Variants in GABPB2 observed in about 807,000 individuals in gnomAD.
The protein encoded by GABPB2 is GA binding protein transcription factor subunit beta 2.
In GABPB2, 23 loss-of-function variants were observed where a neutral mutation model predicts 39.1. The ratio of observed to expected loss-of-function variants is 0.59; its 90% CI spans 0.42 to 0.83. The LOEUF is 0.83. Ranked by LOEUF, GABPB2 falls within the 40% of genes least tolerant of loss-of-function variation. GABPB2 has a pLI of 0.00. For missense variants in GABPB2, 467 were observed against 541.1 expected (o/e 0.86, Z 1.36); for synonymous variants, 184 against 199.3 (o/e 0.92, Z 0.65).
chr1:151,081,880 G>T (rs981033163), intron 1 of GABPB2, among the ~76,000 whole-genome samples: 15 of 151,740 alleles, frequency 9.9e-5, no homozygotes, highest in Admixed American at 3.3e-4. Context: ...TAGGTGATCT[G>T]CCCGCCTCAG....
Position 151,110,067 on chromosome 1 carries a change from G to A in GABPB2, c.922+2845G>A, listed in dbSNP as rs1214352329. On this transcript the variant is annotated intron_variant, in intron 7 of 8. Coordinates refer to ENST00000368918, the MANE Select transcript of GABPB2 (RefSeq NM_144618.3). The stretch of plus-strand genomic sequence containing the variant: ...TGCAGAGACAGGGTTTCGCCATGTT[G>A]GCCAGGCTGGTCACTAGCTCCTGAA... 4.2e-5 allele frequency among the ~76,000 whole-genome samples: 5 copies of A among 119,020 alleles called. No individual in the cohort carries two copies. In the Admixed American group the frequency reaches 5.9e-4, roughly 14 times the overall value. The allele number at this position is 119,020 out of a possible 152,430, so 78.1% of individuals were successfully genotyped here.
rs1681235038 is a variant in GABPB2, at chr1:151,122,951, C to T, written c.*4695C>T. The T allele has an allele frequency of 6.6e-6, 1 of 152,076 alleles. No individual in the cohort carries two copies. Among genetic ancestry groups the T allele is most frequent in the South Asian group, 2.1e-4 (1 of 4,828 alleles). The allele number at this position is 152,076 out of a possible 1,614,324, so 9.4% of individuals were successfully genotyped here. ...CCAGATAAGGGAAATAGGATTTGAT[C>T]TCCAATTGTATTGCCATGGAGAGAA... On this transcript the variant is annotated 3_prime_UTR_variant, in exon 9 of 9. Transcript: ENST00000368918.
At chr1:151,091,022 A>G (rs1318076723) in intron 3 of GABPB2, among the ~76,000 whole-genome samples, 1 of 151,212 alleles carries the variant, frequency 6.6e-6, no homozygotes, top group Non-Finnish European at 1.5e-5. Flanking sequence ...CAAAACAAAA[A>G]AACAAAAAAA....
chr1:151,096,961 G>A (rs1193378335), intron 4 of GABPB2, among the ~76,000 whole-genome samples: 3 of 151,986 alleles, frequency 2.0e-5, no homozygotes. Flanking sequence ...GCCCAGGCTG[G>A]AGTATAATGA....
rs1196787559 is a variant in GABPB2 at position 151,090,566 on chromosome 1, T to G, written c.269T>G (p.Leu90Arg). The G allele has an allele frequency of 6.2e-7, 1 of 1,613,550 alleles. No homozygotes were observed. Among genetic ancestry groups the G allele is most frequent in the East Asian group, 2.2e-5 (1 of 44,882 alleles). The part of the protein sequence containing the change: ...ADGHAHIVEL[L>R]VRNGADVNAK... ...GGACATGCGCACATCGTGGAACTGCTTGTTCGGGTAAAGCAAGAATAGGGG... is the reference window on the plus strand; with the variant it reads ...GGACATGCGCACATCGTGGAACTGCGTGTTCGGGTAAAGCAAGAATAGGGG... The change falls in exon 3 of 9, where the codon CTT becomes CGT. Residue 90 changes from leucine to arginine, a missense_variant. Coordinates refer to ENST00000368918, the MANE Select transcript of GABPB2 (RefSeq NM_144618.3).
intron 7 of GABPB2, among the ~76,000 whole-genome samples, chr1:151,107,916 C>T (rs1458582679): frequency 6.6e-6 from 1 of 151,086 alleles, no homozygotes; most frequent in Non-Finnish European, 1.5e-5. Flanking sequence ...GCCTGGATGA[C>T]AGAGTGAGAC....
intron 1 of GABPB2, among the ~76,000 whole-genome samples, chr1:151,076,560 G>A (rs1296085730): frequency 6.6e-6 from 1 of 151,826 alleles, no homozygotes; most frequent in African/African-American, 2.4e-5. Flanking sequence ...CTCCGGAGTA[G>A]CTGGGATTAC....
In GABPB2 at chr1:151,091,477, A is replaced by C. The variant is rs1044517219; in HGVS notation, c.276+904A>C. 6.1e-5 allele frequency among the ~76,000 whole-genome samples: 9 copies of C among 147,914 alleles called. 1 individual carries two copies. Among genetic ancestry groups the C allele is most frequent in the African/African-American group, 1.5e-4 (6 of 40,318 alleles). On this transcript the variant is annotated intron_variant, in intron 3 of 8. Transcript: ENST00000368918. Reference sequence around the variant, plus strand: ...CACTCCTGTGTCTCAAAAAAAAAAAAAAAAAAAAAAAAAAAAAGATGAAGT... The same window carrying C: ...CACTCCTGTGTCTCAAAAAAAAAAACAAAAAAAAAAAAAAAAAGATGAAGT...
chr1:151,117,938 A>G lies in GABPB2; in HGVS notation c.1048-19A>G. 6.2e-7 allele frequency: 1 copy of G among 1,601,442 alleles called. No homozygotes were observed. Among genetic ancestry groups the G allele is most frequent in the Non-Finnish European group, 8.5e-7 (1 of 1,172,468 alleles). On this transcript the variant is annotated intron_variant, in intron 8 of 8. Coordinates refer to ENST00000368918, the MANE Select transcript of GABPB2 (RefSeq NM_144618.3). Reference sequence around the variant, plus strand: ...ATGATCAGGAATTTACCTGGTGGTGACATGGCTTACTTTTACAGGAAGGCA... The same window carrying G: ...ATGATCAGGAATTTACCTGGTGGTGGCATGGCTTACTTTTACAGGAAGGCA...
intron 1 of GABPB2, among the ~76,000 whole-genome samples, chr1:151,075,953 A>G (rs1259558715): frequency 6.6e-6 from 1 of 152,144 alleles, no homozygotes; most frequent in African/African-American, 2.4e-5. Flanking sequence ...AATAGGGGCG[A>G]TGATATTCCT....
At chr1:151,116,600 G>GT (rs1263370347) in intron 7 of GABPB2, among the ~76,000 whole-genome samples, 2 of 151,558 alleles carry the variant, frequency 1.3e-5, no homozygotes, top group East Asian at 1.9e-4. Context: ...TATTTCTGCA[G>GT]TTTTTTTTGT....
chr1:151,087,164 A>T (rs1172913230), intron 1 of GABPB2, among the ~76,000 whole-genome samples: 1 of 143,252 alleles, frequency 7.0e-6, no homozygotes, highest in Non-Finnish European at 1.5e-5. Flanking sequence ...CAATTTTTGT[A>T]TTTTTTGTGA....
intron 3 of GABPB2, among the ~76,000 whole-genome samples, chr1:151,091,941 C>T (rs1031799170): frequency 6.6e-6 from 1 of 151,466 alleles, no homozygotes; most frequent in Non-Finnish European, 1.5e-5. Context: ...CAGCACCATG[C>T]CCAGCTAATT....
intron 1 of GABPB2, among the ~76,000 whole-genome samples, chr1:151,077,323 C>T (rs927912308): frequency 1.3e-5 from 2 of 150,146 alleles, no homozygotes; most frequent in African/African-American, 2.4e-5. Context: ...TATCCTGGGA[C>T]CTCAGGAGGG....
intron 2 of GABPB2, 118 bp downstream of exon 2, chr1:151,088,415 C>G: frequency 1.6e-6 from 2 of 1,271,602 alleles, no homozygotes; most frequent in South Asian, 1.4e-5. Context: ...ATATCCCTTA[C>G]AAGAGTTTTA....
At chr1:151,101,592 A>G (rs1009062401) in intron 5 of GABPB2, among the ~76,000 whole-genome samples, 2 of 151,544 alleles carry the variant, frequency 1.3e-5, no homozygotes, top group Non-Finnish European at 2.9e-5. Flanking sequence ...AAAGAAAAAG[A>G]AAAAAGAAAA....
chr1:151,089,196 C>T (rs886941576), intron 2 of GABPB2, among the ~76,000 whole-genome samples: 1 of 152,058 alleles, frequency 6.6e-6, no homozygotes, highest in Admixed American at 6.6e-5. Flanking sequence ...AATGAGTGAC[C>T]TCTATTCTGG....
At chr1:151,073,971 G>T (rs1410267121) in intron 1 of GABPB2, among the ~76,000 whole-genome samples, 8 of 150,798 alleles carry the variant, frequency 5.3e-5, no homozygotes, top group Non-Finnish European at 1.2e-4. Context: ...GTATTATTAT[G>T]GTTATTTCTT....
chr1:151,102,194 AC>A (rs1330039367), intron 5 of GABPB2, among the ~76,000 whole-genome samples: 1 of 152,018 alleles, frequency 6.6e-6, no homozygotes, highest in East Asian at 1.9e-4. Context: ...GGTGGTGCAC[AC>A]CTGTAATCCC....
Sources: allele counts gnomAD v4.1 joint callset (sites outside exome capture counted in the v4.1 genomes callset), GRCh38; gene constraint gnomAD v4.1.1; transcripts MANE v1.5; gene names NCBI Gene and HGNC (gene_info 2026-07-23, HGNC 2026-07-21).